The following GPATCH2 variants were observed in gnomAD, a reference collection of about 807,000 sequenced individuals.
GPATCH2 encodes G patch domain-containing protein 2.
GPATCH2 carries 51 observed loss-of-function variants against 58.0 expected under a neutral mutation model. The observed-to-expected ratio is 0.88, with a 90% CI of 0.70 to 1.11. GPATCH2 has a LOEUF of 1.11. GPATCH2 is among the 50% of genes most tolerant of loss of function. GPATCH2 has a pLI of 0.00. For missense variants in GPATCH2, 625 were observed against 652.2 expected, an observed-to-expected ratio of 0.96 and a Z score of 0.45; for synonymous variants, 222 against 218.5, an observed-to-expected ratio of 1.02 and a Z score of -0.14.
At position 217,630,940 on chromosome 1, in the gene GPATCH2, C is replaced by A. The variant is rs1379701731; in HGVS notation, c.32G>T (p.Gly11Val). The A allele has an allele frequency of 1.3e-6, 2 of 1,590,536 alleles. No individual in the cohort carries two copies. The highest frequency in any genetic ancestry group is 3.3e-4 in the Middle Eastern group (2 of 6,052). The change falls in exon 1 of 10, where the codon GGA becomes GTA. Residue 11 changes from glycine (G) to valine (V), a missense_variant. By Grantham distance (109) the Gly-to-Val change is moderately radical. Coordinates refer to ENST00000366935, the MANE Select transcript of GPATCH2 (RefSeq NM_018040.5). MFGAAGRQPI[G>V]APAAGNSWHF... ...CCAGCTGTTCCCGGCTGCTGGAGCT[C>A]CGATCGGTTGGCGCCCGGCGGCCCC...
chr1:217,457,663 A>G (rs1344721414), intron 8 of GPATCH2, among the ~76,000 whole-genome samples: 1 of 152,182 alleles, frequency 6.6e-6, no homozygotes, highest in Non-Finnish European at 1.5e-5. Flanking sequence ...GAAAATTGCC[A>G]TTATGCTACA....
intron 8 of GPATCH2, among the ~76,000 whole-genome samples, chr1:217,483,568 G>A (rs757118622): frequency 6.6e-6 from 1 of 152,142 alleles, no homozygotes; most frequent in South Asian, 2.1e-4. Context: ...AGTCTTTTAA[G>A]TATTCACGTG....
chr1:217,592,730 T>C (rs1667648343), intron 5 of GPATCH2, among the ~76,000 whole-genome samples: 1 of 151,894 alleles, frequency 6.6e-6, no homozygotes, highest in Non-Finnish European at 1.5e-5. Flanking sequence ...CTTATTAACC[T>C]GGAGGTTAAT....
At chr1:217,441,925 A>G (rs548978619) in intron 9 of GPATCH2, among the ~76,000 whole-genome samples, 26 of 152,176 alleles carry the variant, frequency 1.7e-4, no homozygotes, top group Non-Finnish European at 2.8e-4. Flanking sequence ...ATTGTGGAAG[A>G]CAGTGTGGCA....
intron 7 of GPATCH2, chr1:217,494,994 A>G (rs894005800): frequency 2.1e-5 from 5 of 233,448 alleles, no homozygotes; most frequent in Non-Finnish European, 3.5e-5. Context: ...ACTTGTGAAT[A>G]TGGTGCGAAG....
chr1:217,473,909 A>G (rs936332275), intron 8 of GPATCH2, among the ~76,000 whole-genome samples: 5 of 152,218 alleles, frequency 3.3e-5, no homozygotes, highest in African/African-American at 4.8e-5. Context: ...AAACTAAAAG[A>G]AAGATTATAA....
At chr1:217,467,500 T>C (rs961046508) in intron 8 of GPATCH2, among the ~76,000 whole-genome samples, 1 of 152,172 alleles carries the variant, frequency 6.6e-6, no homozygotes, top group Non-Finnish European at 1.5e-5. Flanking sequence ...ATTATTTTAC[T>C]GGTAGTGATG....
At position 217,431,255 on chromosome 1, in the gene GPATCH2, T is replaced by A. The variant is rs1052106358; in HGVS notation, c.1477A>T (p.Ile493Phe). 1 of 1,607,252 alleles carries A rather than the reference T, an allele frequency of 6.2e-7. No homozygotes were observed. ...GSGLGRDGKG[I>F]SEPIQAMQRP... Reference sequence around the variant, plus strand: ...TGCATGGCTTGAATTGGCTCAGAGATCCCCTTGCCATCTCGTCCAAGGCCT... The same window carrying A: ...TGCATGGCTTGAATTGGCTCAGAGAACCCCTTGCCATCTCGTCCAAGGCCT... The change falls in exon 10 of 10, where the codon ATC (isoleucine) becomes TTC (phenylalanine). Residue 493 changes from isoleucine to phenylalanine, a missense_variant. Ile to Phe is a conservative substitution (Grantham distance 21). Coordinates refer to ENST00000366935, the MANE Select transcript of GPATCH2 (RefSeq NM_018040.5).
intron 1 of GPATCH2, among the ~76,000 whole-genome samples, chr1:217,628,399 C>A (rs1372146629): frequency 6.6e-6 from 1 of 151,868 alleles, no homozygotes; most frequent in South Asian, 2.1e-4. Flanking sequence ...GAAGCTATAA[C>A]AAATTTAATG....
At position 217,591,668 on chromosome 1, in the gene GPATCH2, A is replaced by G. The variant is rs183031465; in HGVS notation, c.1098+18653T>C. On this transcript the variant is annotated intron_variant, in intron 5 of 9. Transcript: ENST00000366935. ...ATTACAGTTATTGTTAGTCTACACT[A>G]TTGACAGTAATAGAGAAAACCCTAA... is the stretch of plus-strand genomic sequence containing the variant. 1.3e-3 allele frequency among the ~76,000 whole-genome samples: 191 copies of G among 152,248 alleles called. 1 individual carries two copies. Among genetic ancestry groups the G allele is most frequent in the African/African-American group, 4.5e-3 (188 of 41,574 alleles).
At chr1:217,464,108 C>T (rs1275234011) in intron 8 of GPATCH2, among the ~76,000 whole-genome samples, 2 of 152,038 alleles carry the variant, frequency 1.3e-5, no homozygotes, top group Non-Finnish European at 2.9e-5. Flanking sequence ...AATAAACATG[C>T]TATGTAGAAG....
intron 5 of GPATCH2, among the ~76,000 whole-genome samples, chr1:217,560,385 T>C (rs967507451): frequency 6.6e-6 from 1 of 152,206 alleles, no homozygotes; most frequent in Non-Finnish European, 1.5e-5. Context: ...CTCAGGGGTA[T>C]TTGTTTTCCT....
intron 7 of GPATCH2, among the ~76,000 whole-genome samples, chr1:217,497,442 G>A (rs894398078): frequency 6.6e-6 from 1 of 152,076 alleles, no homozygotes; most frequent in African/African-American, 2.4e-5. Context: ...TTTCTATTAA[G>A]CTTATGTGTG....
chr1:217,469,715 A>C (rs1660633775), intron 8 of GPATCH2, among the ~76,000 whole-genome samples: 1 of 152,126 alleles, frequency 6.6e-6, no homozygotes, highest in South Asian at 2.1e-4. Context: ...AGATTGCAGA[A>C]TAATTCTTGT....
intron 5 of GPATCH2, chr1:217,609,081 A>G (rs1668499375): frequency 1.4e-5 from 11 of 791,518 alleles, no homozygotes; most frequent in Non-Finnish European, 1.7e-5. Flanking sequence ...ACACATATTA[A>G]ATCACATTGT....
At chr1:217,616,570 T>A (rs1363546448) in intron 2 of GPATCH2, among the ~76,000 whole-genome samples, 1 of 152,178 alleles carries the variant, frequency 6.6e-6, no homozygotes, top group Non-Finnish European at 1.5e-5. Context: ...GTTTCTTGAT[T>A]TACATTTCAC....
chr1:217,468,587 A>T (rs1660581018), intron 8 of GPATCH2, among the ~76,000 whole-genome samples: 1 of 151,536 alleles, frequency 6.6e-6, no homozygotes, highest in Admixed American at 6.6e-5. Flanking sequence ...AGAGAGATAG[A>T]AGAGAGAGCT....
chr1:217,584,598 A>C (rs1243289231), intron 5 of GPATCH2, among the ~76,000 whole-genome samples: 1 of 152,036 alleles, frequency 6.6e-6, no homozygotes, highest in Non-Finnish European at 1.5e-5. Flanking sequence ...AAATATTAAC[A>C]GTAGATGTTA....
intron 9 of GPATCH2, among the ~76,000 whole-genome samples, chr1:217,436,914 T>C (rs961082056): frequency 2.6e-5 from 4 of 152,156 alleles, no homozygotes; most frequent in African/African-American, 9.7e-5. Context: ...ATCATCAACA[T>C]TTTCTGATGC....
Sources: allele counts gnomAD v4.1 joint callset (sites outside exome capture counted in the v4.1 genomes callset), GRCh38; gene constraint gnomAD v4.1.1; transcripts MANE v1.5; gene names NCBI Gene and HGNC (gene_info 2026-07-23, HGNC 2026-07-21).